SLC9A2: variants seen among roughly 807,000 people sequenced by gnomAD.
SLC9A2 encodes the protein solute carrier family 9 member A2.
In SLC9A2, 42 loss-of-function variants were observed where a neutral mutation model predicts 71.7. The ratio of observed to expected loss-of-function variants is 0.59; its 90% CI spans 0.46 to 0.76. The LOEUF is 0.76. Ranked by LOEUF, SLC9A2 falls within the 30% of genes least tolerant of loss-of-function variation. The pLI, the probability that SLC9A2 is intolerant of heterozygous loss-of-function variation, is 0.00. For synonymous variants in SLC9A2, 396 were observed against 392.5 expected (o/e 1.01, Z -0.10); for missense variants, 829 against 1,017.4 (o/e 0.81, Z 2.52).
At chr2:102,631,238 T>A (rs572965739) in intron 1 of SLC9A2, among the ~76,000 whole-genome samples, 19 of 152,208 alleles carry the variant, frequency 1.2e-4, no homozygotes, top group Non-Finnish European at 2.5e-4. Context: ...CTCAAAGCCA[T>A]AAGGAGTTGA....
intron 3 of SLC9A2, among the ~76,000 whole-genome samples, chr2:102,668,708 G>A (rs972134402): frequency 7.2e-5 from 11 of 152,180 alleles, no homozygotes; most frequent in Non-Finnish European, 1.2e-4. Flanking sequence ...CCTGCTAGGC[G>A]GGGAGAGAGG....
intron 1 of SLC9A2, among the ~76,000 whole-genome samples, chr2:102,632,147 C>CATATATAT (rs1558701581): frequency 2.3e-5 from 1 of 43,292 alleles, no homozygotes; most frequent in Non-Finnish European, 5.3e-5. Context: ...TGTATATATA[C>CATATATAT]ATATATACAC....
At chr2:102,672,075 C>A (rs1487254342) in intron 3 of SLC9A2, among the ~76,000 whole-genome samples, 1 of 151,972 alleles carries the variant, frequency 6.6e-6, no homozygotes, top group African/African-American at 2.4e-5. Context: ...AGCCACTGCA[C>A]TCCAGCCTGG....
chr2:102,683,424 A>C lies in SLC9A2; in HGVS notation c.1168A>C (p.Asn390His). 1 of 1,614,216 alleles carries C rather than the reference A, an allele frequency of 6.2e-7. No individual in the cohort carries two copies. The highest frequency in any genetic ancestry group is 1.3e-5 in the African/African-American group (1 of 75,056). The change falls in exon 4 of 12, where the codon AAC (asparagine) becomes CAC (histidine). Residue 390 changes from asparagine (N) to histidine (H), a missense_variant. Asn to His is a moderately conservative substitution (Grantham distance 68, BLOSUM62 1). Coordinates refer to ENST00000233969, the MANE Select transcript of SLC9A2 (RefSeq NM_003048.6). ...VSTVGKNHEW[N>H]WAFVCFTLAF... ...TACCGTGGGCAAGAACCACGAGTGGAACTGGGCCTTCGTCTGCTTCACCCT... is the reference window on the plus strand; with the variant it reads ...TACCGTGGGCAAGAACCACGAGTGGCACTGGGCCTTCGTCTGCTTCACCCT...
At chr2:102,699,374 C>T (rs1677828567) in intron 7 of SLC9A2, among the ~76,000 whole-genome samples, 1 of 152,132 alleles carries the variant, frequency 6.6e-6, no homozygotes, top group Admixed American at 6.5e-5. Context: ...CCAAGAGGGC[C>T]AGATCCAGAT....
rs762683351 is a variant in SLC9A2 at position 102,702,429 on chromosome 2, G to A, written c.1772G>A (p.Arg591Lys). Residue 591 changes from arginine to lysine, a missense_variant, in exon 9 of 12, where the codon AGG becomes AAG. This residue lies in a region of SLC9A2 where 500 missense variants were observed against 726.3 expected (regional missense o/e 0.69). Transcript: ENST00000233969. ...AGTGATTGTCGTGAAGAAAAAATAA[G>A]GAAGGTCACGTCCAGTGAAACTGAT... ...SLNDCREEKIRKVTSSETDEI... is the reference protein window; with the variant it reads ...SLNDCREEKIKKVTSSETDEI... The A allele has an allele frequency of 1.3e-6, 2 of 1,594,204 alleles. No individual in the cohort carries two copies. Among genetic ancestry groups the A allele is most frequent in the Non-Finnish European group, 1.7e-6 (2 of 1,170,690 alleles).
chr2:102,619,560 A>C lies in SLC9A2; in HGVS notation c.-289A>C. 1 of 234,736 alleles carries C rather than the reference A, an allele frequency of 4.3e-6. No homozygotes were observed. The highest frequency in any genetic ancestry group is 8.3e-5 in the East Asian group (1 of 12,108). 14.5% of individuals were successfully genotyped at this position (234,736 alleles called of 1,614,324 possible). ...GGGCCTGCCGCTGCGGCTGGAGAGC[A>C]GCGCACCGGCATGGGCAGGCGGCCG... On this transcript the variant is annotated 5_prime_UTR_variant, in exon 1 of 12. Transcript: ENST00000233969. The surrounding 1 kb of genome is among the most constrained non-coding windows in gnomAD (Gnocchi z 4.3).
chr2:102,651,734 G>A (rs1676839041), intron 1 of SLC9A2, among the ~76,000 whole-genome samples: 1 of 152,222 alleles, frequency 6.6e-6, no homozygotes, highest in Non-Finnish European at 1.5e-5. Flanking sequence ...CAGTGCAGAG[G>A]TTTTGTTTAA....
intron 2 of SLC9A2, among the ~76,000 whole-genome samples, chr2:102,659,956 T>C (rs376957906): frequency 6.6e-4 from 101 of 152,316 alleles, no homozygotes; most frequent in African/African-American, 2.3e-3. Context: ...GGCAGCTCAG[T>C]AGAGTCAAAT....
At chr2:102,688,319 G>A (rs1677589870) in intron 5 of SLC9A2, among the ~76,000 whole-genome samples, 2 of 152,156 alleles carry the variant, frequency 1.3e-5, no homozygotes, top group African/African-American at 2.4e-5. Flanking sequence ...AGTTTACTTA[G>A]CTGTAAAATC....
At chr2:102,694,975 TAC>T in intron 6 of SLC9A2, 66 bp from the exon 7 acceptor site, 1 of 1,324,498 alleles carries the variant, frequency 7.6e-7, no homozygotes, top group South Asian at 1.2e-5. Context: ...TTAGAAATGA[TAC>T]AAGTAGAGTG....
At chr2:102,680,753 A>G (rs1431526126) in intron 3 of SLC9A2, among the ~76,000 whole-genome samples, 1 of 152,154 alleles carries the variant, frequency 6.6e-6, no homozygotes, top group East Asian at 1.9e-4. Context: ...TGTGGATGTG[A>G]TTAGGTGAAA....
chr2:102,669,938 G>T, intron 3 of SLC9A2, among the ~76,000 whole-genome samples: 1 of 152,128 alleles, frequency 6.6e-6, no homozygotes, highest in East Asian at 1.9e-4. Flanking sequence ...GGGGAAGGGC[G>T]TACTTGGCCT....
chr2:102,698,662 G>A (rs1166582544), intron 7 of SLC9A2, among the ~76,000 whole-genome samples: 1 of 152,140 alleles, frequency 6.6e-6, no homozygotes, highest in East Asian at 1.9e-4. Context: ...TGCTCCATGT[G>A]ACAGTCACCT....
intron 1 of SLC9A2, among the ~76,000 whole-genome samples, chr2:102,657,131 G>A (rs989397321): frequency 1.3e-5 from 2 of 151,708 alleles, no homozygotes; most frequent in Admixed American, 6.6e-5. Context: ...GCTTGAACCC[G>A]GGAGGCAGAG....
chr2:102,640,005 G>T (rs1184178743), intron 1 of SLC9A2, among the ~76,000 whole-genome samples: 1 of 152,158 alleles, frequency 6.6e-6, no homozygotes, highest in African/African-American at 2.4e-5. Context: ...AGAAAGGTTG[G>T]TACTAGGATT....
At chr2:102,634,578 T>C (rs73947625) in intron 1 of SLC9A2, among the ~76,000 whole-genome samples, 1 of 152,368 alleles carries the variant, frequency 6.6e-6, no homozygotes, top group African/African-American at 2.4e-5. Flanking sequence ...CATGAAAATC[T>C]GTTTTGTCCA....
intron 1 of SLC9A2, among the ~76,000 whole-genome samples, chr2:102,650,282 A>T (rs1482072986): frequency 6.6e-6 from 1 of 152,050 alleles, no homozygotes. Context: ...GAACATATAG[A>T]CACAGAGAGG....
chr2:102,620,002 C>G lies in SLC9A2; in HGVS notation c.154C>G (p.Pro52Ala). 1 of 1,614,094 alleles carries G rather than the reference C, an allele frequency of 6.2e-7. No homozygotes were observed. Among genetic ancestry groups the G allele is most frequent in the Admixed American group, 1.7e-5 (1 of 60,020 alleles). ...GGGCACCAGTTCCAGCCCGCCTAGC[C>G]CTGCGAGCGTGGTGGCTCCCGGAAC... ...AMGTSSSPPS[P>A]ASVVAPGTTL... Residue 52 changes from proline to alanine, a missense_variant, in exon 1 of 12, where the codon CCT (proline) becomes GCT (alanine). Pro to Ala is a conservative substitution (Grantham distance 27, BLOSUM62 -1). Transcript: ENST00000233969.
Sources: allele counts gnomAD v4.1 joint callset (sites outside exome capture counted in the v4.1 genomes callset), GRCh38; gene constraint gnomAD v4.1.1; regional missense constraint gnomAD v4.1.1; non-coding constraint Gnocchi (gnomAD v3.1); transcripts MANE v1.5; gene names NCBI Gene and HGNC (gene_info 2026-07-23, HGNC 2026-07-21).